The following CMIP variants were observed in gnomAD, a reference collection of about 807,000 sequenced individuals.
CMIP encodes the protein C-Maf-inducing protein.
In CMIP, 13 loss-of-function variants were observed where a neutral mutation model predicts 97.3. The observed-to-expected ratio is 0.13, with a 90% CI of 0.09 to 0.21. The LOEUF (loss-of-function observed/expected upper bound fraction) is 0.21, where lower values mean the gene tolerates loss of function less well. Ranked by LOEUF, CMIP falls within the 10% of genes least tolerant of loss-of-function variation. CMIP has a pLI of 1.00. For synonymous variants in CMIP, 538 were observed against 436.3 expected (o/e 1.23, Z -2.91); for missense variants, 847 against 1,024.9 (o/e 0.83, Z 2.37).
chr16:81,633,871 C>A (rs1253419794), intron 3 of CMIP, among the ~76,000 whole-genome samples: 2 of 152,204 alleles, frequency 1.3e-5, no homozygotes, highest in African/African-American at 4.8e-5. Context: ...CTGACACCGG[C>A]TGGAGGCAGG....
chr16:81,670,228 G>A lies in CMIP; in HGVS notation c.912G>A (p.Val304=), dbSNP rs748676286. Residue 304 remains valine, a synonymous_variant, in exon 8 of 21, where the codon GTG becomes GTA. Transcript: ENST00000537098. Reference sequence around the variant, plus strand: ...AGCTCAACGCGGGGATGGAAGTGGTGAAGAAGTTCATTCAGAGGTGGGTCT... The same window carrying A: ...AGCTCAACGCGGGGATGGAAGTGGTAAAGAAGTTCATTCAGAGGTGGGTCT... ...LNELNAGMEV[V]KKFIQSMHGP... The A allele has an allele frequency of 6.2e-7, 1 of 1,610,762 alleles. No individual in the cohort carries two copies. The highest frequency in any genetic ancestry group is 8.5e-7 in the Non-Finnish European group (1 of 1,178,630).
At chr16:81,630,929 T>C (rs1280877472) in intron 3 of CMIP, 1 of 152,168 alleles carries the variant, frequency 6.6e-6, no homozygotes, top group Admixed American at 6.5e-5. Flanking sequence ...GGCAGCCTCT[T>C]TGTGCACGTG....
chr16:81,705,641 G>A (rs755767628), intron 19 of CMIP, 37 bp downstream of exon 19: 90 of 1,356,424 alleles, frequency 6.6e-5, no homozygotes, highest in East Asian at 1.5e-4. Flanking sequence ...GTGAGGGGCC[G>A]CTTGATTCAT....
intron 1 of CMIP, chr16:81,464,383 G>A (rs1290223938): frequency 2.6e-5 from 4 of 152,212 alleles, no homozygotes; most frequent in Non-Finnish European, 4.4e-5. Flanking sequence ...CTGAGGCCCA[G>A]GTAGAGAGAC....
chr16:81,475,855 G>T (rs1317921647), intron 1 of CMIP, among the ~76,000 whole-genome samples: 1 of 151,854 alleles, frequency 6.6e-6, no homozygotes, highest in Non-Finnish European at 1.5e-5. Context: ...GGTGTGGTGG[G>T]GGGCGCCTGT....
chr16:81,656,486 C>T (rs4243209), intron 4 of CMIP, among the ~76,000 whole-genome samples: 111,403 of 152,106 alleles, frequency 0.73, 41,783 homozygotes, highest in Non-Finnish European at 0.83. Context: ...AAGCAGAACA[C>T]ACCACGAAAC....
chr16:81,693,545 G>T, intron 13 of CMIP, 58 bp downstream of exon 13: 2 of 1,562,468 alleles, frequency 1.3e-6, no homozygotes, highest in Non-Finnish European at 8.7e-7. Flanking sequence ...GGATGCACGA[G>T]GGCCCCTTAG....
At chr16:81,476,001 A>C in intron 1 of CMIP, 1 of 579,006 alleles carries the variant, frequency 1.7e-6, no homozygotes. Flanking sequence ...AAAAAAAAAA[A>C]AGATAAAACA....
chr16:81,532,102 G>A (rs967693238), intron 1 of CMIP, among the ~76,000 whole-genome samples: 5 of 152,130 alleles, frequency 3.3e-5, no homozygotes, highest in African/African-American at 9.7e-5. Context: ...TAAGGAAATC[G>A]AGGCCAAGGA....
intron 10 of CMIP, among the ~76,000 whole-genome samples, chr16:81,680,788 T>A (rs1052239039): frequency 1.3e-5 from 2 of 152,200 alleles, no homozygotes; most frequent in Non-Finnish European, 2.9e-5. Context: ...GGTAGAAGCC[T>A]CCAGGCCAGA....
At chr16:81,678,753 G>A in intron 10 of CMIP, 125 bp downstream of exon 10, 2 of 604,474 alleles carry the variant, frequency 3.3e-6, no homozygotes, top group East Asian at 2.8e-5. Context: ...TGGCTTGTGT[G>A]TGAGTGCACA....
intron 1 of CMIP, among the ~76,000 whole-genome samples, chr16:81,561,028 C>T (rs1159599650): frequency 6.6e-6 from 1 of 152,216 alleles, no homozygotes; most frequent in Non-Finnish European, 1.5e-5. Context: ...AATCTTGCTT[C>T]ACTGCAATCT....
intron 1 of CMIP, chr16:81,495,468 CG>C: frequency 6.2e-7 from 1 of 1,612,870 alleles, no homozygotes; most frequent in Non-Finnish European, 8.5e-7. Flanking sequence ...CCCTGGCGTC[CG>C]GGGAAGGATG....
chr16:81,656,728 T>C (rs184038503), intron 4 of CMIP, among the ~76,000 whole-genome samples: 1 of 152,256 alleles, frequency 6.6e-6, no homozygotes, highest in Admixed American at 6.5e-5. Flanking sequence ...GCCTCCGCCT[T>C]TTGGATTCAA....
intron 1 of CMIP, among the ~76,000 whole-genome samples, chr16:81,466,427 C>T (rs1292927465): frequency 6.6e-6 from 1 of 152,158 alleles, no homozygotes; most frequent in Non-Finnish European, 1.5e-5. Flanking sequence ...CAGGGATGTG[C>T]AGTTGCTGTG....
At chr16:81,675,048 G>C (rs564374764) in intron 9 of CMIP, among the ~76,000 whole-genome samples, 29 of 152,206 alleles carry the variant, frequency 1.9e-4, no homozygotes, top group Non-Finnish European at 3.7e-4. Flanking sequence ...CCTGGCATCT[G>C]TTTTTGGAAG....
chr16:81,628,259 G>T (rs975033959), intron 3 of CMIP, among the ~76,000 whole-genome samples: 1 of 152,116 alleles, frequency 6.6e-6, no homozygotes, highest in South Asian at 2.1e-4. Context: ...CACTCCTAGT[G>T]TCCTAGAGAT....
chr16:81,557,274 A>G (rs1020528805), intron 1 of CMIP, among the ~76,000 whole-genome samples: 2 of 152,202 alleles, frequency 1.3e-5, no homozygotes, highest in Admixed American at 6.5e-5. Flanking sequence ...TGCCAAATGC[A>G]TGTTGGTTGA....
intron 1 of CMIP, among the ~76,000 whole-genome samples, chr16:81,500,136 G>C (rs975159082): frequency 6.6e-6 from 1 of 151,702 alleles, no homozygotes; most frequent in East Asian, 2.0e-4. Flanking sequence ...AGCCTCTGGC[G>C]ACTTTTAGAG....
Sources: allele counts gnomAD v4.1 joint callset (sites outside exome capture counted in the v4.1 genomes callset), GRCh38; gene constraint gnomAD v4.1.1; transcripts MANE v1.5; gene names NCBI Gene and HGNC (gene_info 2026-07-23, HGNC 2026-07-21).